LRIG1: variants seen among roughly 807,000 people sequenced by gnomAD.
The protein encoded by LRIG1 is leucine rich repeats and immunoglobulin like domains 1.
In LRIG1, 48 loss-of-function variants were observed where a neutral mutation model predicts 99.2. The ratio of observed to expected loss-of-function variants is 0.48; its 90% confidence interval spans 0.38 to 0.62. The LOEUF is 0.62. LRIG1 is among the 20% of genes least tolerant of loss of function. LRIG1 has a pLI of 0.00. For missense variants in LRIG1, 1,646 were observed against 1,434.4 expected (o/e 1.15, Z -2.38); for synonymous variants, 772 against 596.1 (o/e 1.29, Z -4.30).
At chr3:66,437,234 A>T (rs535947543) in intron 3 of LRIG1, among the ~76,000 whole-genome samples, 1 of 152,302 alleles carries the variant, frequency 6.6e-6, no homozygotes, top group East Asian at 1.9e-4. Flanking sequence ...CCCCTCAAAC[A>T]AGCGAGCAGA....
chr3:66,423,497 G>C (rs1473349376), intron 3 of LRIG1, among the ~76,000 whole-genome samples: 1 of 152,146 alleles, frequency 6.6e-6, no homozygotes, highest in African/African-American at 2.4e-5. Flanking sequence ...CTTGAACCTG[G>C]GAGGCAGAGG....
At chr3:66,443,815 C>A (rs1350127741) in intron 3 of LRIG1, among the ~76,000 whole-genome samples, 1 of 152,220 alleles carries the variant, frequency 6.6e-6, no homozygotes, top group African/African-American at 2.4e-5. Flanking sequence ...CACCATGAAC[C>A]AGCTGAGACT....
rs3736137 is a variant in LRIG1, at chr3:66,382,429, G to A, written c.2492-31C>T. ...AGGAGACAGAACAAATAGAACACCA[G>A]GGTCTCAGTGACAAGAAATGCAGAC... On this transcript the variant is annotated intron_variant, in intron 15 of 18. Transcript: ENST00000273261. 3,173 of 1,613,764 alleles carry A rather than the reference G, an allele frequency of 2.0e-3. 38 individuals carry two copies. In the East Asian group the frequency reaches 0.031, roughly 16 times the overall value.
intron 9 of LRIG1, among the ~76,000 whole-genome samples, chr3:66,403,934 C>G (rs1702162263): frequency 6.6e-6 from 1 of 152,190 alleles, no homozygotes; most frequent in Admixed American, 6.5e-5. Flanking sequence ...CTAAGAAGGC[C>G]TCTGCCCCAC....
intron 3 of LRIG1, among the ~76,000 whole-genome samples, chr3:66,445,901 C>T (rs1207045294): frequency 6.6e-6 from 1 of 152,160 alleles, no homozygotes; most frequent in Non-Finnish European, 1.5e-5. Flanking sequence ...TTATTAACAA[C>T]CTTAGCTCAG....
intron 1 of LRIG1, among the ~76,000 whole-genome samples, chr3:66,494,006 G>A (rs1442106974): frequency 1.3e-5 from 2 of 149,850 alleles, no homozygotes; most frequent in African/African-American, 2.5e-5. Context: ...AGGGAAGGGA[G>A]TGGGGGAGGG....
At chr3:66,419,683 G>A (rs1177844046) in intron 3 of LRIG1, among the ~76,000 whole-genome samples, 1 of 152,108 alleles carries the variant, frequency 6.6e-6, no homozygotes, top group African/African-American at 2.4e-5. Context: ...AGTGGGCCAG[G>A]AGAGAGATGG....
At chr3:66,388,979 T>C (rs763279923) in intron 12 of LRIG1, among the ~76,000 whole-genome samples, 2 of 152,198 alleles carry the variant, frequency 1.3e-5, no homozygotes, top group East Asian at 1.9e-4. Context: ...GATACGTGTA[T>C]TTTTGTAACT....
chr3:66,391,719 TAAC>T (rs1235481999), intron 12 of LRIG1, among the ~76,000 whole-genome samples: 16 of 152,344 alleles, frequency 1.1e-4, no homozygotes, highest in Admixed American at 2.0e-4. Flanking sequence ...GTGACTATTA[TAAC>T]AACCATCAAT....
intron 1 of LRIG1, among the ~76,000 whole-genome samples, chr3:66,480,151 T>C (rs1438766944): frequency 2.0e-5 from 3 of 152,150 alleles, no homozygotes; most frequent in Non-Finnish European, 2.9e-5. Flanking sequence ...GAAGTACTGA[T>C]ACCTGCCATA....
At chr3:66,419,293 C>A (rs1285812678) in intron 3 of LRIG1, among the ~76,000 whole-genome samples, 1 of 152,088 alleles carries the variant, frequency 6.6e-6, no homozygotes, top group Non-Finnish European at 1.5e-5. Context: ...TGTCTGTGGT[C>A]CGGTACCTTT....
At chr3:66,482,655 T>C (rs1046679387) in intron 1 of LRIG1, among the ~76,000 whole-genome samples, 1 of 152,172 alleles carries the variant, frequency 6.6e-6, no homozygotes, top group African/African-American at 2.4e-5. Context: ...GGGTAACTCA[T>C]CCTAAGGAAA....
intron 3 of LRIG1, among the ~76,000 whole-genome samples, chr3:66,451,065 G>C (rs1306962111): frequency 6.6e-6 from 1 of 152,140 alleles, no homozygotes; most frequent in Non-Finnish European, 1.5e-5. Context: ...AGAACAAATA[G>C]ATCGCATCTT....
intron 1 of LRIG1, among the ~76,000 whole-genome samples, chr3:66,485,805 C>T (rs1027828979): frequency 2.0e-5 from 3 of 152,128 alleles, no homozygotes; most frequent in South Asian, 2.1e-4. Flanking sequence ...CTGACACACA[C>T]GCCTACCAAC....
At chr3:66,401,937 G>A (rs2107991523) in intron 9 of LRIG1, among the ~76,000 whole-genome samples, 1 of 152,266 alleles carries the variant, frequency 6.6e-6, no homozygotes, top group East Asian at 1.9e-4. Context: ...ATGGGTCCTT[G>A]TACTCATGTC....
At chr3:66,454,498 C>G (rs1445924764) in intron 2 of LRIG1, among the ~76,000 whole-genome samples, 2 of 152,144 alleles carry the variant, frequency 1.3e-5, no homozygotes, top group East Asian at 3.9e-4. Context: ...TCTCTCACCC[C>G]CTACCCGCCA....
At chr3:66,482,097 G>A (rs1486745617) in intron 1 of LRIG1, among the ~76,000 whole-genome samples, 1 of 152,234 alleles carries the variant, frequency 6.6e-6, no homozygotes, top group Admixed American at 6.5e-5. Flanking sequence ...GGGCAGCCTG[G>A]GCACAGGCAG....
At chr3:66,451,059 C>T (rs1219528011) in intron 3 of LRIG1, among the ~76,000 whole-genome samples, 2 of 152,170 alleles carry the variant, frequency 1.3e-5, no homozygotes. Context: ...CTGTCTAGAA[C>T]AAATAGATCG....
intron 3 of LRIG1, among the ~76,000 whole-genome samples, chr3:66,446,623 C>A (rs925651889): frequency 2.0e-5 from 3 of 151,886 alleles, no homozygotes; most frequent in Non-Finnish European, 2.9e-5. Flanking sequence ...CCAGGCTGGT[C>A]TCGAACTCCT....
Sources: allele counts gnomAD v4.1 joint callset (sites outside exome capture counted in the v4.1 genomes callset), GRCh38; gene constraint gnomAD v4.1.1; transcripts MANE v1.5; gene names NCBI Gene and HGNC (gene_info 2026-07-23, HGNC 2026-07-21).